Variants in YES1 observed in about 807,000 individuals in gnomAD.
YES1 encodes YES proto-oncogene 1, Src family tyrosine kinase.
YES1 carries 39 observed loss-of-function variants against 70.4 expected under a neutral mutation model. The ratio of observed to expected loss-of-function variants is 0.55; its 90% CI spans 0.43 to 0.72. YES1 has a LOEUF of 0.72. Ranked by LOEUF, YES1 falls within the 30% of genes least tolerant of loss-of-function variation. The pLI is 0.00. For synonymous variants in YES1, 198 were observed against 218.6 expected (o/e 0.91, Z 0.83); for missense variants, 495 against 644.8 (o/e 0.77, Z 2.52).
At chr18:806,985 C>T (rs967369214) in intron 1 of YES1, among the ~76,000 whole-genome samples, 13 of 152,144 alleles carry the variant, frequency 8.5e-5, no homozygotes, top group African/African-American at 1.9e-4. Flanking sequence ...AAGGACAAGA[C>T]GCTGCTGTGG....
In YES1 at chr18:755,822, C is replaced by T. The variant is rs534670942; in HGVS notation, c.271+735G>A. On this transcript the variant is annotated intron_variant, in intron 2 of 11. Transcript: ENST00000314574. ...TGAAACTCACTCTACCTTTTTAAGC[C>T]AGCTATACTTTGTTACTTCAGTGAA... Among the ~76,000 whole-genome samples, 3 of 152,278 alleles carry T rather than the reference C, an allele frequency of 2.0e-5. No individual in the cohort carries two copies. In the South Asian group the frequency reaches 6.2e-4, roughly 32 times the overall value.
At chr18:796,801 G>A (rs1906568371) in intron 1 of YES1, among the ~76,000 whole-genome samples, 1 of 151,912 alleles carries the variant, frequency 6.6e-6, no homozygotes. Flanking sequence ...TCAAAAGAAA[G>A]AGCCCAGAAA....
chr18:743,880 TG>T (rs1568191893), intron 6 of YES1, among the ~76,000 whole-genome samples: 1 of 150,570 alleles, frequency 6.6e-6, no homozygotes, highest in African/African-American at 2.4e-5. Context: ...CACTCTAGCC[TG>T]GGTGACACAG....
At chr18:733,782 C>CAAAAAAAAAAAAAA (rs71174280) in intron 10 of YES1, among the ~76,000 whole-genome samples, 14 of 59,248 alleles carry the variant, frequency 2.4e-4, no homozygotes, top group African/African-American at 7.9e-4. Context: ...GACTCCGTCT[C>CAAAAAAAAAAAAAA]AAAAAAAAAA....
chr18:784,643 G>A (rs974793432), intron 1 of YES1, among the ~76,000 whole-genome samples: 19 of 152,196 alleles, frequency 1.2e-4, no homozygotes, highest in African/African-American at 4.1e-4. Context: ...CTAGCTTGTG[G>A]GGGCTGCCCA....
At chr18:733,511 C>G (rs1164880248) in intron 10 of YES1, among the ~76,000 whole-genome samples, 1 of 151,372 alleles carries the variant, frequency 6.6e-6, no homozygotes, top group Non-Finnish European at 1.5e-5. Context: ...CGGCCGGGCG[C>G]GGTGGCTCAA....
intron 1 of YES1, among the ~76,000 whole-genome samples, chr18:803,073 TAAA>T (rs927613257): frequency 6.8e-6 from 1 of 147,552 alleles, no homozygotes; most frequent in African/African-American, 2.5e-5. Context: ...TTTTAAAAAT[TAAA>T]AAAAAAATTA....
At chr18:786,527 AC>A (rs1355807234) in intron 1 of YES1, among the ~76,000 whole-genome samples, 5 of 151,666 alleles carry the variant, frequency 3.3e-5, no homozygotes, top group Non-Finnish European at 7.4e-5. Flanking sequence ...ACACACACAC[AC>A]ACACACACAG....
chr18:807,089 G>A (rs1252973375), intron 1 of YES1, among the ~76,000 whole-genome samples: 2 of 152,140 alleles, frequency 1.3e-5, no homozygotes. Flanking sequence ...GGACAACACG[G>A]TGAGACCCCA....
At chr18:727,835 T>C (rs1210220191) in intron 11 of YES1, among the ~76,000 whole-genome samples, 2 of 152,166 alleles carry the variant, frequency 1.3e-5, no homozygotes, top group African/African-American at 4.8e-5. Flanking sequence ...TTTAAAGGCA[T>C]AATTTCACTC....
intron 1 of YES1, among the ~76,000 whole-genome samples, chr18:793,244 T>A (rs865998774): frequency 3.9e-4 from 60 of 152,224 alleles, no homozygotes; most frequent in African/African-American, 1.4e-3. Flanking sequence ...TTTCACCATG[T>A]TGGCCAGGAT....
chr18:799,658 G>A (rs1263515831), intron 1 of YES1, among the ~76,000 whole-genome samples: 3 of 152,060 alleles, frequency 2.0e-5, no homozygotes, highest in African/African-American at 4.8e-5. Context: ...AGCTGAGATC[G>A]CGCCACTGCA....
intron 1 of YES1, among the ~76,000 whole-genome samples, chr18:764,445 C>T (rs1904765560): frequency 1.3e-5 from 2 of 152,184 alleles, no homozygotes; most frequent in Non-Finnish European, 2.9e-5. Flanking sequence ...TGGTCTCGAA[C>T]TCCTGACCTC....
At chr18:745,003 C>T (rs929375281) in intron 6 of YES1, among the ~76,000 whole-genome samples, 2 of 152,028 alleles carry the variant, frequency 1.3e-5, no homozygotes, top group Non-Finnish European at 2.9e-5. Context: ...ACAAGTGATG[C>T]CACTGCTTGG....
rs558959061 is a variant in YES1, at chr18:736,467, C to G, written c.1291+341G>C. ...AAAGTCTGTAGACATTGTCAGATGT[C>G]CCCTGGTGAGTGGCGGTACAGGGCA... On this transcript the variant is annotated intron_variant, in intron 10 of 11. Coordinates refer to ENST00000314574, the MANE Select transcript of YES1 (RefSeq NM_005433.4). The G allele has an allele frequency of 3.4e-5, 6 of 178,406 alleles. No homozygotes were observed. In the East Asian group the frequency reaches 4.7e-4, roughly 14 times the overall value. 11.1% of individuals were successfully genotyped at this position (178,406 alleles called of 1,614,324 possible).
chr18:802,184 G>A (rs561577902), intron 1 of YES1, among the ~76,000 whole-genome samples: 1 of 152,282 alleles, frequency 6.6e-6, no homozygotes, highest in East Asian at 1.9e-4. Flanking sequence ...AGGAGTTCGA[G>A]GCTGTAATGA....
upstream of YES1, chr18:812,281 G>A (rs984170389): frequency 2.0e-5 from 3 of 151,606 alleles, no homozygotes; most frequent in African/African-American, 7.3e-5. Flanking sequence ...CAGGAGGAGG[G>A]AGTTCCCGGG....
At chr18:732,656 C>A (rs553500605) in intron 11 of YES1, among the ~76,000 whole-genome samples, 178 bp downstream of exon 11, 4 of 152,082 alleles carry the variant, frequency 2.6e-5, no homozygotes, top group South Asian at 4.2e-4. Flanking sequence ...CTGACTTACC[C>A]GTCCAATGCC....
Position 737,018 on chromosome 18 carries a change from A to G in YES1, c.1138-57T>C. ...ATACGATACAAAGGGAAGCAGAGAG[A>G]AGACAATTATGGTTAATATCAAATT... On this transcript the variant is annotated intron_variant, in intron 9 of 11. Transcript: ENST00000314574. 4 of 1,433,246 alleles carry G rather than the reference A, an allele frequency of 2.8e-6. No homozygotes were observed. In the East Asian group the frequency reaches 9.5e-5, roughly 34 times the overall value. 88.8% of individuals were successfully genotyped at this position (1,433,246 alleles called of 1,614,324 possible).
Sources: allele counts gnomAD v4.1 joint callset (sites outside exome capture counted in the v4.1 genomes callset), GRCh38; gene constraint gnomAD v4.1.1; transcripts MANE v1.5; gene names NCBI Gene and HGNC (gene_info 2026-07-23, HGNC 2026-07-21).